The following VPS54 variants were observed in gnomAD, a reference collection of about 807,000 sequenced individuals.
VPS54 encodes the protein VPS54 subunit of GARP complex.
In VPS54, 45 loss-of-function variants were observed where a neutral mutation model predicts 121.5. The observed-to-expected ratio is 0.37, with a 90% CI of 0.29 to 0.47. The LOEUF is 0.47. VPS54 is among the 20% of genes least tolerant of loss of function. VPS54 has a pLI of 0.99. For synonymous variants in VPS54, 371 were observed against 385.8 expected (o/e 0.96, Z 0.45); for missense variants, 1,090 against 1,131.4 (o/e 0.96, Z 0.52).
At chr2:63,997,917 A>T (rs1285766492) in intron 1 of VPS54, among the ~76,000 whole-genome samples, 3 of 151,838 alleles carry the variant, frequency 2.0e-5, no homozygotes, top group Non-Finnish European at 2.9e-5. Flanking sequence ...TAAATTTTTC[A>T]ATTTCTTAAT....
rs367705993 is a variant in VPS54, at chr2:64,013,039, G to A, written c.-21+5899C>T. On this transcript the variant is annotated intron_variant, in intron 1 of 22. Transcript: ENST00000272322. ...ACTGATTCAAGCAAGGATCATTAAT[G>A]GGTACCAAAATCACTGGTTAAAGGG... Among the ~76,000 whole-genome samples, 45 of 152,304 alleles carry A rather than the reference G, an allele frequency of 3.0e-4. 1 individual carries two copies. In the South Asian group the frequency reaches 9.1e-3, roughly 31 times the overall value.
chr2:63,997,965 T>A (rs929948888), intron 1 of VPS54, among the ~76,000 whole-genome samples: 2 of 152,190 alleles, frequency 1.3e-5, no homozygotes, highest in Non-Finnish European at 2.9e-5. Context: ...GAACATATTA[T>A]GTAATTTCCA....
chr2:63,955,242 T>G (rs556450683), intron 7 of VPS54, among the ~76,000 whole-genome samples: 1 of 152,174 alleles, frequency 6.6e-6, no homozygotes, highest in South Asian at 2.1e-4. Flanking sequence ...TTTCCTTTAC[T>G]GTTGTGTATG....
At position 63,905,187 on chromosome 2, in the gene VPS54, T is replaced by C. The variant is rs1032822574; in HGVS notation, c.2626-5606A>G. Among the ~76,000 whole-genome samples the C allele has an allele frequency of 5.3e-5, 8 of 151,444 alleles. No homozygotes were observed. In the South Asian group the frequency reaches 6.2e-4, roughly 12 times the overall value. The stretch of plus-strand genomic sequence containing the variant: ...AAATCCAAAGCAAGTTAAAAGAAAA[T>C]AGAAAATAAATAACACAGACTGGAG... On this transcript the variant is annotated intron_variant, in intron 20 of 22. Coordinates refer to ENST00000272322, the MANE Select transcript of VPS54 (RefSeq NM_016516.3).
chr2:63,960,013 C>A (rs947212327), intron 7 of VPS54, among the ~76,000 whole-genome samples: 3 of 151,790 alleles, frequency 2.0e-5, no homozygotes, highest in African/African-American at 7.3e-5. Flanking sequence ...GAGCTAGACT[C>A]CATCTCAAAA....
intron 1 of VPS54, among the ~76,000 whole-genome samples, chr2:64,004,017 G>C (rs1421339923): frequency 1.3e-5 from 2 of 152,166 alleles, no homozygotes; most frequent in Non-Finnish European, 1.5e-5. Context: ...CAGAAAGCAA[G>C]ATATGCTCAA....
Position 63,933,860 on chromosome 2 carries a change from T to C in VPS54, c.1552A>G (p.Ile518Val), listed in dbSNP as rs532458939. Residue 518 changes from isoleucine (I) to valine (V), a missense_variant, in exon 12 of 23, where the codon ATA becomes GTA. Transcript: ENST00000272322. ...TCACCCTCACCGAATGCATCACTTA[T>C]AAACATGCCTTCATGGATTAAATAA... ...VAYLIHEGMF[I>V]SDAFGEGELT... 560 of 1,613,916 alleles carry C rather than the reference T, an allele frequency of 3.5e-4. 11 individuals carry two copies. The South Asian group carries it at 5.5e-3, about 16-fold the overall frequency.
At chr2:63,977,689 C>T (rs933061339) in intron 3 of VPS54, among the ~76,000 whole-genome samples, 4 of 152,228 alleles carry the variant, frequency 2.6e-5, no homozygotes, top group Admixed American at 2.0e-4. Context: ...AACATCACAA[C>T]CGCATCTGAG....
chr2:63,968,132 T>A (rs1486147634), intron 5 of VPS54, among the ~76,000 whole-genome samples: 2 of 152,150 alleles, frequency 1.3e-5, no homozygotes, highest in Admixed American at 6.5e-5. Context: ...TTTCTTACCC[T>A]AAAGAACAAC....
At chr2:63,907,310 G>T (rs1672943173) in intron 20 of VPS54, among the ~76,000 whole-genome samples, 1 of 152,072 alleles carries the variant, frequency 6.6e-6, no homozygotes, top group Non-Finnish European at 1.5e-5. Context: ...CCTGAGGTCG[G>T]GAGTTTGAGA....
At position 63,972,232 on chromosome 2, in the gene VPS54, G is replaced by C. The variant is rs200219498; in HGVS notation, c.391C>G (p.His131Asp). Residue 131 changes from histidine to aspartate, a missense_variant, in exon 4 of 23, where the codon CAT (histidine) becomes GAT (aspartate). By Grantham distance (81) the His-to-Asp change is moderately conservative. Around this residue, in one of 2 missense-constraint regions of VPS54, gnomAD observed 801 missense variants for 757.0 expected, o/e 1.06. Coordinates refer to ENST00000272322, the MANE Select transcript of VPS54 (RefSeq NM_016516.3). The part of the protein sequence containing the change: ...QQEISQREKI[H>D]ERCKNICPPK... ...GGACAAATATTCTTGCATCTCTCAT[G>C]AATCTTCTCTCTCTAATAAAAAGAC... 9 of 1,590,268 alleles carry C rather than the reference G, an allele frequency of 5.7e-6. No individual in the cohort carries two copies. The highest frequency in any genetic ancestry group is 6.9e-6 in the Non-Finnish European group (8 of 1,163,960).
At chr2:64,013,099 G>T (rs1412595114) in intron 1 of VPS54, among the ~76,000 whole-genome samples, 2 of 152,192 alleles carry the variant, frequency 1.3e-5, no homozygotes, top group Non-Finnish European at 2.9e-5. Context: ...TGGCTATTAA[G>T]TATCCTCTAT....
intron 11 of VPS54, 104 bp downstream of exon 11, chr2:63,942,361 G>T: frequency 1.3e-6 from 1 of 781,130 alleles, no homozygotes; most frequent in Non-Finnish European, 1.8e-6. Flanking sequence ...CAAAAACAAA[G>T]AAACTGTGTT....
At chr2:63,909,995 T>G (rs1029227068) in intron 20 of VPS54, among the ~76,000 whole-genome samples, 1 of 152,160 alleles carries the variant, frequency 6.6e-6, no homozygotes, top group East Asian at 1.9e-4. Flanking sequence ...CCAAAAGTGC[T>G]GGGATTACAG....
chr2:63,938,355 G>A (rs1319884698), intron 11 of VPS54, among the ~76,000 whole-genome samples: 2 of 152,138 alleles, frequency 1.3e-5, no homozygotes, highest in East Asian at 3.8e-4. Flanking sequence ...ATATGCTAAA[G>A]AGATGACAAA....
Position 63,965,429 on chromosome 2 carries a change from T to C in VPS54, c.624+406A>G, listed in dbSNP as rs1324861359. 3.3e-5 allele frequency among the ~76,000 whole-genome samples: 5 copies of C among 152,260 alleles called. No homozygotes were observed. The East Asian group carries it at 9.7e-4, about 29-fold the overall frequency. ...AGGTGGAGGTTGCAGTGAGTGGAGA[T>C]CGTGCCACTGCACTCCAGCCTGGGC... On this transcript the variant is annotated intron_variant, in intron 6 of 22. Transcript: ENST00000272322.
Position 63,969,107 on chromosome 2 carries a change from ATTCC to A in VPS54, c.458-120_458-117del, listed in dbSNP as rs1676149360. On this transcript the variant is annotated intron_variant, in intron 4 of 22. Coordinates refer to ENST00000272322, the MANE Select transcript of VPS54 (RefSeq NM_016516.3). The stretch of plus-strand genomic sequence containing the variant: ...GGTCACATCCAAATAACTAAAGTTT[ATTCC>A]TTCAACAAATTATCTATCAAGCACC... 3 of 804,058 alleles carry A rather than the reference ATTCC, an allele frequency of 3.7e-6. No homozygotes were observed. In the East Asian group the frequency reaches 8.2e-5, roughly 22 times the overall value. The allele number at this position is 804,058 out of a possible 1,614,324, so 49.8% of individuals were successfully genotyped here.
rs201123675 is a variant in VPS54, at chr2:63,984,019, A to G, written c.-20T>C. The G allele has an allele frequency of 1.5e-5, 24 of 1,589,204 alleles. No homozygotes were observed. In the East Asian group the frequency reaches 5.4e-4, roughly 36 times the overall value. On this transcript the variant is annotated splice_region_variant and 5_prime_UTR_variant, in exon 2 of 23. Transcript: ENST00000272322. ...AGCCATTGCATAAAATCACCACTCA[A>G]CTGAAAATGAGTAAGAAATACTAAT...
intron 12 of VPS54, among the ~76,000 whole-genome samples, chr2:63,922,602 C>T (rs1673696232): frequency 1.3e-5 from 2 of 152,136 alleles, no homozygotes; most frequent in Admixed American, 6.5e-5. Flanking sequence ...AACACTGAAT[C>T]TTAGAAAGTT....
Sources: allele counts gnomAD v4.1 joint callset (sites outside exome capture counted in the v4.1 genomes callset), GRCh38; gene constraint gnomAD v4.1.1; regional missense constraint gnomAD v4.1.1; transcripts MANE v1.5; gene names NCBI Gene and HGNC (gene_info 2026-07-23, HGNC 2026-07-21).